The following B3GALT5 variants were observed in gnomAD, a reference collection of about 807,000 sequenced individuals.
B3GALT5 encodes UDP-Gal:betaGlcNAc beta 1,3-galactosyltransferase, polypeptide 5.
For missense variants in B3GALT5, 328 were observed against 396.6 expected (o/e 0.83, Z 1.47); for synonymous variants, 156 against 158.6 (o/e 0.98, Z 0.12).
intron 1 of B3GALT5, among the ~76,000 whole-genome samples, chr21:39,623,136 T>C (rs2079142934): frequency 7.3e-6 from 1 of 137,882 alleles, no homozygotes; most frequent in Non-Finnish European, 1.6e-5. Context: ...CCTTCCTTCC[T>C]CCCTCCCTTC....
In B3GALT5 at chr21:39,669,229, G is replaced by C. The variant is rs990445746; in HGVS notation, c.*7737G>C. The C allele has an allele frequency of 6.6e-6, 1 of 152,112 alleles. No homozygotes were observed. Among genetic ancestry groups the C allele is most frequent in the African/African-American group, 2.4e-5 (1 of 41,414 alleles). The allele number at this position is 152,112 out of a possible 1,614,324, so 9.4% of individuals were successfully genotyped here. A position where few individuals can be genotyped will look rare whatever the true frequency, so the allele number is the denominator to read the frequency against. On this transcript the variant is annotated 3_prime_UTR_variant, in exon 4 of 4. Coordinates refer to ENST00000684187, the MANE Select transcript of B3GALT5 (RefSeq NM_001356336.2). ...ATGTGAAAATCTGAATGAGGTAAAA[G>C]AAGTTGGAGCTGGAAGATGCCTTAG...
At chr21:39,649,909 G>A (rs1465815377) in intron 2 of B3GALT5, among the ~76,000 whole-genome samples, 3 of 152,198 alleles carry the variant, frequency 2.0e-5, no homozygotes, top group African/African-American at 4.8e-5. Flanking sequence ...GAAATGTAAA[G>A]GTGGAGGCCT....
At chr21:39,614,427 C>T (rs545037908) in intron 1 of B3GALT5, among the ~76,000 whole-genome samples, 13 of 152,256 alleles carry the variant, frequency 8.5e-5, no homozygotes, top group South Asian at 4.1e-4. Context: ...AGATGCAAAT[C>T]GGAAAGAGAT....
intron 2 of B3GALT5, among the ~76,000 whole-genome samples, chr21:39,650,082 G>C (rs1467388742): frequency 1.3e-5 from 2 of 152,170 alleles, no homozygotes; most frequent in Non-Finnish European, 2.9e-5. Context: ...CTGGACCCCT[G>C]CCTGCCCCAG....
chr21:39,614,672 CCCT>C (rs1176681895), intron 1 of B3GALT5, among the ~76,000 whole-genome samples: 3 of 152,192 alleles, frequency 2.0e-5, no homozygotes, highest in African/African-American at 4.8e-5. Flanking sequence ...GTGTAGCCCT[CCCT>C]CCTCTGTCCC....
chr21:39,617,233 G>A (rs868483593), intron 1 of B3GALT5, among the ~76,000 whole-genome samples: 8 of 152,134 alleles, frequency 5.3e-5, no homozygotes, highest in South Asian at 2.1e-4. Flanking sequence ...AAATGGTTTC[G>A]TATGGTCCTA....
chr21:39,643,144 T>C (rs1176660283), intron 1 of B3GALT5, among the ~76,000 whole-genome samples: 6 of 152,010 alleles, frequency 3.9e-5, no homozygotes, highest in African/African-American at 1.4e-4. Flanking sequence ...TGAAATGGAA[T>C]GAGTACTAAA....
intron 1 of B3GALT5, among the ~76,000 whole-genome samples, chr21:39,640,124 G>A (rs1046447411): frequency 2.6e-5 from 4 of 152,132 alleles, no homozygotes; most frequent in Non-Finnish European, 4.4e-5. Flanking sequence ...TGAGGAAAGC[G>A]GAGGTCTGAG....
At chr21:39,660,435 C>G (rs558108096) in intron 3 of B3GALT5, 125 bp from the exon 4 acceptor site, 11 of 740,692 alleles carry the variant, frequency 1.5e-5, no homozygotes, top group Non-Finnish European at 2.2e-5. Context: ...CACCCGACTT[C>G]TGTATGCAGC....
chr21:39,624,117 T>G (rs569391030), intron 1 of B3GALT5, among the ~76,000 whole-genome samples: 2 of 152,194 alleles, frequency 1.3e-5, no homozygotes, highest in African/African-American at 4.8e-5. Context: ...TCATTTCTCT[T>G]AAGTCTCCTC....
At chr21:39,642,085 G>A (rs188716542) in intron 1 of B3GALT5, among the ~76,000 whole-genome samples, 7 of 152,286 alleles carry the variant, frequency 4.6e-5, no homozygotes, top group Admixed American at 3.9e-4. Flanking sequence ...GTTGCTTTCC[G>A]TAGGAAAATC....
At chr21:39,652,209 G>C (rs1012583810) in intron 2 of B3GALT5, among the ~76,000 whole-genome samples, 4 of 152,216 alleles carry the variant, frequency 2.6e-5, no homozygotes, top group African/African-American at 9.7e-5. Flanking sequence ...TGAGTGGTGA[G>C]CCAGGATTGA....
intron 1 of B3GALT5, among the ~76,000 whole-genome samples, chr21:39,631,540 G>T (rs575164289): frequency 6.6e-6 from 1 of 152,192 alleles, no homozygotes; most frequent in East Asian, 1.9e-4. Flanking sequence ...AGGTAATTGG[G>T]GTTAGGACTT....
In B3GALT5 at chr21:39,671,953, A is replaced by G. The variant is rs570331743; in HGVS notation, c.*10461A>G. On this transcript the variant is annotated 3_prime_UTR_variant, in exon 4 of 4. Transcript: ENST00000684187. ...TTGGAGTGCATCCTGGCACCTGCCA[A>G]TCGGAAGACTGACAAACAAAAAATT... 8.5e-5 allele frequency: 13 copies of G among 152,370 alleles called. No individual in the cohort carries two copies. The highest frequency in any genetic ancestry group is 1.8e-4 in the Non-Finnish European group (12 of 68,046). 9.4% of individuals were successfully genotyped at this position (152,370 alleles called of 1,614,324 possible).
At chr21:39,646,087 C>T (rs1009615416) in intron 1 of B3GALT5, among the ~76,000 whole-genome samples, 2 of 151,770 alleles carry the variant, frequency 1.3e-5, no homozygotes, top group African/African-American at 4.8e-5. Context: ...TTTTCAAGAT[C>T]GAGAACAGAG....
chr21:39,658,012 C>G (rs1454828536), intron 2 of B3GALT5: 1 of 901,246 alleles, frequency 1.1e-6, no homozygotes, highest in African/African-American at 1.7e-5. Flanking sequence ...GATCTGGGGA[C>G]ACAGGCTGCC....
In B3GALT5 at chr21:39,670,211, C is replaced by CTG. The variant is rs146244694; in HGVS notation, c.*8743_*8744dup. 0.15 allele frequency: 22,250 copies of CTG among 149,664 alleles called. 1,773 individuals carry two copies. Among genetic ancestry groups the CTG allele is most frequent in the East Asian group, 0.27 (1,382 of 5,066 alleles). The allele number at this position is 149,664 out of a possible 1,614,324, so 9.3% of individuals were successfully genotyped here. A position where few individuals can be genotyped will look rare whatever the true frequency, so the allele number is the denominator to read the frequency against. ...CAAGCCCGGGGGCGCCACACTCAGA[C>CTG]TGTGTGTGTGTGTGTGTGTGTGTGT... On this transcript the variant is annotated 3_prime_UTR_variant, in exon 4 of 4. Coordinates refer to ENST00000684187, the MANE Select transcript of B3GALT5 (RefSeq NM_001356336.2).
intron 1 of B3GALT5, among the ~76,000 whole-genome samples, chr21:39,614,672 C>T (rs1476297429): frequency 1.3e-5 from 2 of 152,192 alleles, no homozygotes; most frequent in African/African-American, 4.8e-5. Flanking sequence ...GTGTAGCCCT[C>T]CCTCCTCTGT....
At chr21:39,659,726 A>G (rs145746408) in intron 2 of B3GALT5, 27 bp from the exon 3 acceptor site, 4 of 982,774 alleles carry the variant, frequency 4.1e-6, no homozygotes, top group Admixed American at 6.2e-5. Flanking sequence ...AGTGATTTGA[A>G]TGACACTCTT....
Sources: gnomAD v4.1 joint callset for allele counts (sites outside exome capture counted in the v4.1 genomes callset) on GRCh38, gnomAD v4.1.1 for gene constraint, MANE v1.5 for transcripts, NCBI Gene and HGNC (gene_info 2026-07-23, HGNC 2026-07-21) for gene names.